DOCK5: variants seen among roughly 807,000 people sequenced by gnomAD.
DOCK5 encodes the protein dedicator of cytokinesis protein 5.
DOCK5 carries 142 observed loss-of-function variants against 251.8 expected under a neutral mutation model. That is an observed-to-expected ratio of 0.56 (90% CI 0.49 to 0.65). The LOEUF (loss-of-function observed/expected upper bound fraction) is 0.65, where lower values mean the gene tolerates loss of function less well. Ranked by LOEUF, DOCK5 falls within the 30% of genes least tolerant of loss-of-function variation. The pLI is 0.00. For missense variants in DOCK5, 2,111 were observed against 2,312.3 expected, an observed-to-expected ratio of 0.91 and a Z score of 1.79; for synonymous variants, 842 against 835.5, an observed-to-expected ratio of 1.01 and a Z score of -0.13.
intron 1 of DOCK5, among the ~76,000 whole-genome samples, chr8:25,187,089 T>A (rs1212092264): frequency 6.6e-6 from 1 of 151,262 alleles, no homozygotes; most frequent in Non-Finnish European, 1.5e-5. Context: ...TGGTTCTAGC[T>A]ACTGAGGAGG....
intron 1 of DOCK5, among the ~76,000 whole-genome samples, chr8:25,197,110 TACTCTCCGTGGACATTAAAGG>T (rs6150511): frequency 0.63 from 95,078 of 151,772 alleles, 32,247 homozygotes; most frequent in Non-Finnish European, 0.76. Flanking sequence ...AGAATATGCC[TACTCTCCGTGGACATTAAAGG>T]ACATAATAAG....
rs555031352 is a variant in DOCK5 at position 25,354,913 on chromosome 8, A to G, written c.2850+3087A>G. Reference sequence around the variant, plus strand: ...TAGCGTGAAATCACCAGGCATCATGATACTCAATGGTCGTTAAAAAAGGGA... The same window carrying G: ...TAGCGTGAAATCACCAGGCATCATGGTACTCAATGGTCGTTAAAAAAGGGA... On this transcript the variant is annotated intron_variant, in intron 27 of 51. Transcript: ENST00000276440. Among the ~76,000 whole-genome samples, 3 of 152,308 alleles carry G rather than the reference A, an allele frequency of 2.0e-5. No individual in the cohort carries two copies. The South Asian group carries it at 6.2e-4, about 32-fold the overall frequency.
intron 15 of DOCK5, among the ~76,000 whole-genome samples, chr8:25,320,636 G>A (rs757838884): frequency 2.0e-5 from 3 of 152,102 alleles, no homozygotes; most frequent in Non-Finnish European, 2.9e-5. Context: ...AGGTCTTATA[G>A]ATCCAATTAT....
intron 1 of DOCK5, among the ~76,000 whole-genome samples, chr8:25,197,575 CTTTT>C (rs541455591): frequency 9.2e-6 from 1 of 108,272 alleles, no homozygotes; most frequent in South Asian, 3.0e-4. Flanking sequence ...GTGTCTTTGT[CTTTT>C]TTTTTTTTTT....
chr8:25,184,827 C>T lies in DOCK5; in HGVS notation c.-82C>T, dbSNP rs945476635. The T allele has an allele frequency of 4.9e-6, 6 of 1,214,652 alleles. No individual in the cohort carries two copies. The highest frequency in any genetic ancestry group is 3.1e-5 in the South Asian group (1 of 32,274). The allele number at this position is 1,214,652 out of a possible 1,614,324, so 75.2% of individuals were successfully genotyped here. Reference sequence around the variant, plus strand: ...ACATGGCGGAAGCGTCTGGGGCACGCAGGAGCGCGGGGCGGCGGCGGCCGG... The same window carrying T: ...ACATGGCGGAAGCGTCTGGGGCACGTAGGAGCGCGGGGCGGCGGCGGCCGG... On this transcript the variant is annotated 5_prime_UTR_variant, in exon 1 of 52. Coordinates refer to ENST00000276440, the MANE Select transcript of DOCK5 (RefSeq NM_024940.8).
chr8:25,273,204 C>A lies in DOCK5; in HGVS notation c.169-2182C>A, dbSNP rs60232330. 3.3e-5 allele frequency among the ~76,000 whole-genome samples: 5 copies of A among 152,302 alleles called. No individual in the cohort carries two copies. The East Asian group carries it at 9.7e-4, about 29-fold the overall frequency. On this transcript the variant is annotated intron_variant, in intron 3 of 51. Coordinates refer to ENST00000276440, the MANE Select transcript of DOCK5 (RefSeq NM_024940.8). ...AGAGGAATCACACGCAGTTTTTGAA[C>A]TGAACACCCTCCTTTCTCATTGCTA...
In DOCK5 at chr8:25,208,245, A is replaced by G. The variant is rs191660679; in HGVS notation, c.43+23294A>G. Among the ~76,000 whole-genome samples, 138 of 152,354 alleles carry G rather than the reference A, an allele frequency of 9.1e-4. 1 individual carries two copies. Among genetic ancestry groups the G allele is most frequent in the Admixed American group, 2.9e-3 (45 of 15,306 alleles). Reference sequence around the variant, plus strand: ...CTATCTTGGTGAAGATGCTGTGAACATTGTTGACAACCAAGGATTTAGAAT... The same window carrying G: ...CTATCTTGGTGAAGATGCTGTGAACGTTGTTGACAACCAAGGATTTAGAAT... On this transcript the variant is annotated intron_variant, in intron 1 of 51. Coordinates refer to ENST00000276440, the MANE Select transcript of DOCK5 (RefSeq NM_024940.8).
intron 3 of DOCK5, among the ~76,000 whole-genome samples, chr8:25,274,222 A>G (rs1459094141): frequency 2.0e-5 from 3 of 152,204 alleles, no homozygotes. Flanking sequence ...ATCAGTGGGT[A>G]TATATGCCTC....
At chr8:25,322,331 G>A (rs1805445842) in intron 16 of DOCK5, among the ~76,000 whole-genome samples, 1 of 152,234 alleles carries the variant, frequency 6.6e-6, no homozygotes, top group Non-Finnish European at 1.5e-5. Flanking sequence ...ACCTTACCCA[G>A]TCTGGGGGAT....
At chr8:25,372,851 G>A in intron 35 of DOCK5, 133 bp downstream of exon 35, 3 of 828,030 alleles carry the variant, frequency 3.6e-6, no homozygotes, top group East Asian at 3.2e-5. Flanking sequence ...GTCTTCCTAA[G>A]TCTAATTGGA....
chr8:25,275,172 T>A (rs938340352), intron 3 of DOCK5, among the ~76,000 whole-genome samples: 2 of 152,336 alleles, frequency 1.3e-5, no homozygotes, highest in South Asian at 4.1e-4. Context: ...CTATGCTCTC[T>A]GAACCCAAAT....
At chr8:25,336,588 A>G (rs1010688739) in intron 22 of DOCK5, among the ~76,000 whole-genome samples, 1 of 152,226 alleles carries the variant, frequency 6.6e-6, no homozygotes, top group African/African-American at 2.4e-5. Flanking sequence ...TGGGGCAGTA[A>G]TGACCTCAGG....
chr8:25,247,842 T>C (rs1488140796), intron 2 of DOCK5, among the ~76,000 whole-genome samples: 1 of 152,222 alleles, frequency 6.6e-6, no homozygotes, highest in Non-Finnish European at 1.5e-5. Flanking sequence ...TTGTAGGATG[T>C]GCTGGCCCAT....
intron 3 of DOCK5, 107 bp from the exon 4 acceptor site, chr8:25,275,279 T>C: frequency 1.2e-6 from 1 of 829,054 alleles, no homozygotes; most frequent in South Asian, 1.9e-5. Context: ...GGAGTTTAGC[T>C]ATTGCCTGGG....
At chr8:25,302,047 C>A (rs138155549) in intron 9 of DOCK5, among the ~76,000 whole-genome samples, 1 of 152,154 alleles carries the variant, frequency 6.6e-6, no homozygotes, top group African/African-American at 2.4e-5. Flanking sequence ...CCTGCTTAAG[C>A]TGATGAACTG....
Position 25,395,645 on chromosome 8 carries a change from G to C in DOCK5, c.4630G>C (p.Val1544Leu). The change falls in exon 45 of 52, where the codon GTG (valine) becomes CTG (leucine). Residue 1544 changes from valine (V) to leucine (L), a missense_variant. Physicochemically the swap from Val to Leu is conservative, Grantham distance 32. Coordinates refer to ENST00000276440, the MANE Select transcript of DOCK5 (RefSeq NM_024940.8). ...GCATGCCTGGGACCGGTCCCTCTCTGTGCACCCTCTCTCCATGCTGCTCAG... is the reference window on the plus strand; with the variant it reads ...GCATGCCTGGGACCGGTCCCTCTCTCTGCACCCTCTCTCCATGCTGCTCAG... ...QQHAWDRSLS[V>L]HPLSMLLSGI... 1 of 1,613,658 alleles carries C rather than the reference G, an allele frequency of 6.2e-7. No individual in the cohort carries two copies. The highest frequency in any genetic ancestry group is 8.5e-7 in the Non-Finnish European group (1 of 1,179,814).
At chr8:25,348,556 C>A (rs1800410391) in intron 26 of DOCK5, among the ~76,000 whole-genome samples, 1 of 152,064 alleles carries the variant, frequency 6.6e-6, no homozygotes, top group Non-Finnish European at 1.5e-5. Flanking sequence ...AATGTATGTC[C>A]CAGCTGGGTG....
chr8:25,272,792 C>A (rs1803943356), intron 3 of DOCK5, among the ~76,000 whole-genome samples: 1 of 152,156 alleles, frequency 6.6e-6, no homozygotes. Flanking sequence ...CAACCATCAA[C>A]ACCATCCATC....
At chr8:25,197,097 C>T (rs1441082989) in intron 1 of DOCK5, among the ~76,000 whole-genome samples, 1 of 127,906 alleles carries the variant, frequency 7.8e-6, no homozygotes. Context: ...GGTAAAATCA[C>T]CCAGAATATG....
Sources: allele counts gnomAD v4.1 joint callset (sites outside exome capture counted in the v4.1 genomes callset), GRCh38; gene constraint gnomAD v4.1.1; transcripts MANE v1.5; gene names NCBI Gene and HGNC (gene_info 2026-07-23, HGNC 2026-07-21).